Variants in GLIS3 observed in about 807,000 individuals in gnomAD.
GLIS3 encodes GLIS family zinc finger 3.
A neutral mutation model predicts 78.6 loss-of-function variants in GLIS3; 53 were observed. That is an observed-to-expected ratio of 0.67 (90% CI 0.54 to 0.85). The LOEUF is 0.85. Ranked by LOEUF, GLIS3 falls within the 40% of genes least tolerant of loss-of-function variation. The probability of loss-of-function intolerance (pLI) is 0.00; values close to 1 mark genes in which losing one functional copy is unlikely to be tolerated. For synonymous variants in GLIS3, 684 were observed against 509.9 expected, an observed-to-expected ratio of 1.34 and a Z score of -4.60; for missense variants, 1,703 against 1,231.1, an observed-to-expected ratio of 1.38 and a Z score of -5.74.
chr9:4,118,023 G>A lies in GLIS3; in HGVS notation c.1455C>T (p.Ala485=), dbSNP rs1294936744. The change falls in exon 4 of 11, where the codon GCC becomes GCT. Residue 485 remains alanine, a synonymous_variant. Transcript: ENST00000381971. This position sits in a 1 kb window ranked among gnomAD's most constrained non-coding sequence, Gnocchi z 4.7. ...PHAQQLALPQ[A]TLDDDGEMDG... The stretch of plus-strand genomic sequence containing the variant: ...CCATCTCCCCGTCGTCGTCCAGGGT[G>A]GCCTGGGGCAAGGCCAGCTGCTGGG... 2 of 1,603,466 alleles carry A rather than the reference G, an allele frequency of 1.2e-6. No homozygotes were observed. The highest frequency in any genetic ancestry group is 1.7e-6 in the Non-Finnish European group (2 of 1,175,016).
intron 6 of GLIS3, among the ~76,000 whole-genome samples, chr9:3,909,579 A>G (rs1201969005): frequency 2.0e-5 from 3 of 152,186 alleles, no homozygotes; most frequent in Non-Finnish European, 2.9e-5. Flanking sequence ...AAGGCCCAAA[A>G]TTGTATCCAT....
intron 2 of GLIS3, among the ~76,000 whole-genome samples, chr9:4,197,751 C>T (rs918432361): frequency 1.3e-5 from 2 of 152,118 alleles, no homozygotes; most frequent in Non-Finnish European, 2.9e-5. Flanking sequence ...GCAAGGACAC[C>T]CAGCCACAAA....
chr9:4,446,697 T>C, the GLIS3 span, among the ~76,000 whole-genome samples: 4 of 148,226 alleles, frequency 2.7e-5, no homozygotes, highest in Admixed American at 6.7e-5. Context: ...TTTTTTTAAG[T>C]AAAGAAGGGG....
chr9:4,471,774 A>G, the GLIS3 span, among the ~76,000 whole-genome samples: 2 of 152,218 alleles, frequency 1.3e-5, no homozygotes, highest in Non-Finnish European at 2.9e-5. Flanking sequence ...ATTAAACTAA[A>G]GAGCTTCTGC....
intron 2 of GLIS3, among the ~76,000 whole-genome samples, chr9:4,271,777 C>A (rs1451673275): frequency 1.3e-5 from 2 of 152,110 alleles, no homozygotes; most frequent in Admixed American, 1.3e-4. Context: ...CTGCTCTGCT[C>A]ACCATAATGC....
intron 2 of GLIS3, among the ~76,000 whole-genome samples, chr9:4,185,467 AG>A (rs1817703249): frequency 6.6e-6 from 1 of 152,136 alleles, no homozygotes; most frequent in Non-Finnish European, 1.5e-5. Context: ...TTTTGTAGGG[AG>A]AAAAAAGTGG....
chr9:4,364,516 G>T, the GLIS3 span, among the ~76,000 whole-genome samples: 3 of 152,040 alleles, frequency 2.0e-5, no homozygotes, highest in African/African-American at 7.2e-5. Context: ...CTCACAATAT[G>T]TAAGTAGTGA....
At chr9:3,991,847 TG>T (rs1563927138) in intron 4 of GLIS3, among the ~76,000 whole-genome samples, 2 of 151,920 alleles carry the variant, frequency 1.3e-5, no homozygotes, top group Admixed American at 1.3e-4. Context: ...CCTGCAACCA[TG>T]CCTGGCTAAT....
chr9:4,275,069 C>G (rs1826860163), intron 2 of GLIS3, among the ~76,000 whole-genome samples: 1 of 152,160 alleles, frequency 6.6e-6, no homozygotes. Flanking sequence ...TCAGAAGTAG[C>G]AAATCTATTC....
At chr9:3,935,513 A>C (rs1487062868) in intron 5 of GLIS3, among the ~76,000 whole-genome samples, 1 of 152,160 alleles carries the variant, frequency 6.6e-6, no homozygotes, top group Non-Finnish European at 1.5e-5. Context: ...CAAGCAAAGG[A>C]GGGCAGTGCG....
intron 4 of GLIS3, among the ~76,000 whole-genome samples, chr9:4,050,367 T>C (rs973064121): frequency 3.9e-5 from 6 of 152,088 alleles, no homozygotes; most frequent in African/African-American, 1.4e-4. Context: ...AAACACCGCA[T>C]GTTCTCACTC....
intron 4 of GLIS3, among the ~76,000 whole-genome samples, chr9:4,040,936 G>A (rs923684570): frequency 1.3e-5 from 2 of 152,126 alleles, no homozygotes; most frequent in Non-Finnish European, 2.9e-5. Flanking sequence ...AAAACATCAG[G>A]ACCCACTCCA....
At chr9:4,436,819 A>G in the GLIS3 span, among the ~76,000 whole-genome samples, 4 of 149,746 alleles carry the variant, frequency 2.7e-5, no homozygotes, top group Non-Finnish European at 5.9e-5. Flanking sequence ...TCAAAAAAAA[A>G]AAAAAAAAAA....
At chr9:4,203,214 A>G (rs10974390) in intron 2 of GLIS3, among the ~76,000 whole-genome samples, 12,682 of 152,298 alleles carry the variant, frequency 0.083, 636 homozygotes, top group East Asian at 0.23. Context: ...GCCAACAGAC[A>G]TGAAGAAATG....
Position 3,980,642 on chromosome 9 carries a change from T to C in GLIS3, c.1711-43453A>G, listed in dbSNP as rs1819187519. The stretch of plus-strand genomic sequence containing the variant: ...CCTCTGTATGTTCAGAGTGATAATG[T>C]TTTTTAATCAGAGGGCATTTTATTT... On this transcript the variant is annotated intron_variant, in intron 4 of 10. Coordinates refer to ENST00000381971, the MANE Select transcript of GLIS3 (RefSeq NM_001042413.2). Among the ~76,000 whole-genome samples, 5 of 152,332 alleles carry C rather than the reference T, an allele frequency of 3.3e-5. No individual in the cohort carries two copies. In the South Asian group the frequency reaches 1.0e-3, roughly 32 times the overall value.
At position 4,269,977 on chromosome 9, in the gene GLIS3, G is replaced by A. The variant is rs548449528; in HGVS notation, c.388+16061C>T. Among the ~76,000 whole-genome samples, 3 of 152,302 alleles carry A rather than the reference G, an allele frequency of 2.0e-5. No homozygotes were observed. In the South Asian group the frequency reaches 6.2e-4, roughly 32 times the overall value. On this transcript the variant is annotated intron_variant, in intron 2 of 10. Coordinates refer to ENST00000381971, the MANE Select transcript of GLIS3 (RefSeq NM_001042413.2). ...TTTCTCTAGGCAAAAATGCCCCACA[G>A]GTGTTTGTAATGGTTCATGGGAATT...
chr9:4,324,233 A>G (rs1425997118), intron 2 of GLIS3, among the ~76,000 whole-genome samples: 1 of 152,172 alleles, frequency 6.6e-6, no homozygotes, highest in Non-Finnish European at 1.5e-5. Context: ...GCTACATAAA[A>G]CTTGGTGTTT....
chr9:4,225,729 G>C (rs1821713063), intron 2 of GLIS3, among the ~76,000 whole-genome samples: 1 of 152,200 alleles, frequency 6.6e-6, no homozygotes. Context: ...CATTGACATT[G>C]CTAATGTATG....
At chr9:4,333,642 T>G (rs1423950606) in intron 2 of GLIS3, among the ~76,000 whole-genome samples, 1 of 152,082 alleles carries the variant, frequency 6.6e-6, no homozygotes, top group African/African-American at 2.4e-5. Context: ...CTAACATACT[T>G]GGCTATGAGA....
Sources: allele counts gnomAD v4.1 joint callset (sites outside exome capture counted in the v4.1 genomes callset), GRCh38; gene constraint gnomAD v4.1.1; non-coding constraint Gnocchi (gnomAD v3.1); transcripts MANE v1.5; gene names NCBI Gene and HGNC (gene_info 2026-07-23, HGNC 2026-07-21).